The following SPNS3 variants were observed in gnomAD, a reference collection of about 807,000 sequenced individuals.
SPNS3 encodes the protein protein spinster homolog 3.
A neutral mutation model predicts 54.4 loss-of-function variants in SPNS3; 51 were observed. That is an observed-to-expected ratio of 0.94 (90% CI 0.75 to 1.18). The LOEUF (loss-of-function observed/expected upper bound fraction) is 1.18, where lower values mean the gene tolerates loss of function less well. SPNS3 is among the 50% of genes most tolerant of loss of function. The probability of loss-of-function intolerance (pLI) is 0.00; values close to 1 mark genes in which losing one functional copy is unlikely to be tolerated. For synonymous variants in SPNS3, 309 were observed against 294.7 expected (o/e 1.05, Z -0.50); for missense variants, 669 against 677.4 (o/e 0.99, Z 0.14).
chr17:4,457,618 C>T (rs776563139), intron 8 of SPNS3, among the ~76,000 whole-genome samples: 1 of 152,162 alleles, frequency 6.6e-6, no homozygotes, highest in Admixed American at 6.5e-5. Context: ...CAGATGGAGG[C>T]CCCATCAAAG....
intron 8 of SPNS3, among the ~76,000 whole-genome samples, chr17:4,470,142 T>C (rs1056486395): frequency 2.6e-5 from 4 of 152,058 alleles, no homozygotes; most frequent in African/African-American, 9.7e-5. Context: ...ACAATTCATG[T>C]ATCAGGCCAG....
At chr17:4,484,342 AC>A (rs1359127636) in intron 9 of SPNS3, among the ~76,000 whole-genome samples, 1 of 152,168 alleles carries the variant, frequency 6.6e-6, no homozygotes, top group East Asian at 1.9e-4. Flanking sequence ...ATTTTTTGAG[AC>A]AGGATCTTGC....
chr17:4,467,158 G>A (rs1436287319), intron 8 of SPNS3, among the ~76,000 whole-genome samples: 1 of 152,092 alleles, frequency 6.6e-6, no homozygotes, highest in African/African-American at 2.4e-5. Flanking sequence ...CAGAGGTCAC[G>A]GTGATGGGGG....
chr17:4,487,817 A>C lies in SPNS3; in HGVS notation c.1462A>C (p.Ser488Arg), dbSNP rs376941216. The C allele has an allele frequency of 1.7e-4, 278 of 1,613,954 alleles. No homozygotes were observed. Among genetic ancestry groups the C allele is most frequent in the Non-Finnish European group, 2.2e-4 (256 of 1,179,890 alleles). ...AWQPVTGTPDSNDVDSNDLER... is the reference protein window; with the variant it reads ...AWQPVTGTPDRNDVDSNDLER... ...CTTTCCTCCTGCAGGGACCCCAGAC[A>C]GCAATGATGTGGACAGCAACGACCT... Residue 488 changes from serine (S) to arginine (R), a missense_variant, in exon 12 of 12, where the codon AGC (serine) becomes CGC (arginine). Transcript: ENST00000355530.
intron 9 of SPNS3, chr17:4,482,081 G>A (rs543299793): frequency 6.6e-6 from 1 of 152,112 alleles, no homozygotes; most frequent in Admixed American, 6.6e-5. Context: ...TAGAGACGGG[G>A]TTCACCATGT....
intron 6 of SPNS3, 65 bp downstream of exon 6, chr17:4,448,368 A>AC (rs1190721675): frequency 2.1e-5 from 29 of 1,389,998 alleles, no homozygotes; most frequent in Admixed American, 1.9e-4. Context: ...AGCATCATTG[A>AC]CCCCCTCTCT....
Position 4,486,537 on chromosome 17 carries a change from G to T in SPNS3, c.1404G>T (p.Ala468=). The change falls in exon 11 of 12, where the codon GCG becomes GCT. Residue 468 remains alanine, a synonymous_variant. Coordinates refer to ENST00000355530, the MANE Select transcript of SPNS3 (RefSeq NM_182538.5). The surrounding 1 kb of genome is among the most constrained non-coding windows in gnomAD (Gnocchi z 5.5). ...GGGGCGGCTGCTTCCTGCTGACTGC[G>T]CTGTACCTGGAGAGAGACGAGACCC... ...ALGGGCFLLT[A]LYLERDETRA... is the part of the protein sequence containing the mutation. 1.2e-6 allele frequency: 2 copies of T among 1,613,496 alleles called. No homozygotes were observed. Among genetic ancestry groups the T allele is most frequent in the Non-Finnish European group, 1.7e-6 (2 of 1,179,918 alleles).
chr17:4,477,172 T>TG (rs1972025441), intron 8 of SPNS3, among the ~76,000 whole-genome samples: 1 of 151,698 alleles, frequency 6.6e-6, no homozygotes, highest in Non-Finnish European at 1.5e-5. Context: ...GCGTGGGGGG[T>TG]GGGGGGCGCT....
chr17:4,469,411 T>C (rs1276294140), intron 8 of SPNS3, among the ~76,000 whole-genome samples: 1 of 152,032 alleles, frequency 6.6e-6, no homozygotes, highest in African/African-American at 2.4e-5. Context: ...TAAGAGGCAA[T>C]TGGGCCGGGT....
Position 4,483,958 on chromosome 17 carries a change from G to A in SPNS3, c.1180-2270G>A, listed in dbSNP as rs991458481. Among the ~76,000 whole-genome samples, 7 of 152,152 alleles carry A rather than the reference G, an allele frequency of 4.6e-5. No individual in the cohort carries two copies. The highest frequency in any genetic ancestry group is 1.2e-4 in the African/African-American group (5 of 41,436). On this transcript the variant is annotated intron_variant, in intron 9 of 11. Transcript: ENST00000355530. This position sits in a 1 kb window ranked among gnomAD's most constrained non-coding sequence, Gnocchi z 4.2. ...TCCCCTGCCTGGAATGCCTTTCCCC[G>A]TCTCTTTGCCAGTTACTCTGCCATC...
At chr17:4,451,665 G>A (rs1033123238) in intron 7 of SPNS3, among the ~76,000 whole-genome samples, 2 of 151,344 alleles carry the variant, frequency 1.3e-5, no homozygotes, top group African/African-American at 4.9e-5. Flanking sequence ...TCCTTTATTT[G>A]TTTTGTTTTG....
intron 8 of SPNS3, among the ~76,000 whole-genome samples, chr17:4,478,370 A>C (rs1167740870): frequency 2.0e-5 from 3 of 152,106 alleles, no homozygotes; most frequent in Non-Finnish European, 4.4e-5. Context: ...ACACTCGCTT[A>C]TGGGTCCTGG....
At chr17:4,471,981 C>T in intron 8 of SPNS3, among the ~76,000 whole-genome samples, 1 of 152,096 alleles carries the variant, frequency 6.6e-6, no homozygotes, top group Non-Finnish European at 1.5e-5. Context: ...GCCTTAGCCT[C>T]CCGAGTAGCT....
chr17:4,479,538 C>T (rs1171356417), intron 9 of SPNS3, among the ~76,000 whole-genome samples: 2 of 152,362 alleles, frequency 1.3e-5, no homozygotes, highest in East Asian at 3.9e-4. Context: ...CAGGGAAGGA[C>T]TTTGAACACA....
chr17:4,465,686 C>G (rs534733356), intron 8 of SPNS3, among the ~76,000 whole-genome samples: 27 of 152,036 alleles, frequency 1.8e-4, no homozygotes, highest in Non-Finnish European at 3.5e-4. Context: ...GGGATCGCCA[C>G]CAATGTGCTC....
intron 8 of SPNS3, among the ~76,000 whole-genome samples, chr17:4,471,369 T>C (rs1337319448): frequency 6.6e-6 from 1 of 152,252 alleles, no homozygotes; most frequent in African/African-American, 2.4e-5. Context: ...GGGTAGATTT[T>C]ATGATTAAGG....
At chr17:4,467,381 G>A (rs1325687264) in intron 8 of SPNS3, among the ~76,000 whole-genome samples, 1 of 152,118 alleles carries the variant, frequency 6.6e-6, no homozygotes, top group African/African-American at 2.4e-5. Flanking sequence ...GGCCTGGCTG[G>A]ATGGTTCCTC....
chr17:4,477,892 A>T (rs1284508125), intron 8 of SPNS3, among the ~76,000 whole-genome samples: 1 of 151,416 alleles, frequency 6.6e-6, no homozygotes, highest in African/African-American at 2.4e-5. Flanking sequence ...ACTTTTGGGG[A>T]AAACAGAGGA....
intron 8 of SPNS3, among the ~76,000 whole-genome samples, chr17:4,472,780 T>A (rs1971891771): frequency 1.9e-5 from 1 of 52,954 alleles, no homozygotes; most frequent in African/African-American, 1.6e-4. Context: ...CAGCCTTTTT[T>A]TTTTTTTTTT....
Sources: allele counts gnomAD v4.1 joint callset (sites outside exome capture counted in the v4.1 genomes callset), GRCh38; gene constraint gnomAD v4.1.1; non-coding constraint Gnocchi (gnomAD v3.1); transcripts MANE v1.5; gene names NCBI Gene and HGNC (gene_info 2026-07-23, HGNC 2026-07-21).